ABCC4: variants seen among roughly 807,000 people sequenced by gnomAD.
ABCC4 encodes ATP-binding cassette sub-family C member 4.
ABCC4 carries 102 observed loss-of-function variants against 168.5 expected under a neutral mutation model. That is an observed-to-expected ratio of 0.61 (90% CI 0.52 to 0.71). The LOEUF (loss-of-function observed/expected upper bound fraction) is 0.71, where lower values mean the gene tolerates loss of function less well. ABCC4 is among the 30% of genes least tolerant of loss of function. The pLI is 0.00. For synonymous variants in ABCC4, 617 were observed against 590.7 expected, an observed-to-expected ratio of 1.04 and a Z score of -0.65; for missense variants, 1,402 against 1,605.8, an observed-to-expected ratio of 0.87 and a Z score of 2.17.
At chr13:95,298,563 G>A (rs998038302) in intron 1 of ABCC4, among the ~76,000 whole-genome samples, 1 of 152,142 alleles carries the variant, frequency 6.6e-6, no homozygotes, top group Admixed American at 6.6e-5. Flanking sequence ...GCTATGCTTT[G>A]AGAACAGCTG....
At chr13:95,225,434 C>G (rs2039436869) in intron 4 of ABCC4, among the ~76,000 whole-genome samples, 1 of 152,148 alleles carries the variant, frequency 6.6e-6, no homozygotes, top group Non-Finnish European at 1.5e-5. Flanking sequence ...CTTTGGGAGG[C>G]CAAGGTGGGT....
At chr13:95,106,071 A>G (rs1678363) in intron 20 of ABCC4, among the ~76,000 whole-genome samples, 1 of 151,908 alleles carries the variant, frequency 6.6e-6, no homozygotes, top group African/African-American at 2.4e-5. Context: ...TTTAACCTTA[A>G]AATTACAAGA....
At chr13:95,047,514 C>G (rs1351335609) in intron 27 of ABCC4, among the ~76,000 whole-genome samples, 3 of 101,672 alleles carry the variant, frequency 3.0e-5, no homozygotes, top group East Asian at 2.7e-4. Flanking sequence ...GATTCTTGCT[C>G]TGTCACCCAG....
intron 19 of ABCC4, among the ~76,000 whole-genome samples, chr13:95,128,533 C>T (rs1328618599): frequency 6.6e-6 from 1 of 152,206 alleles, no homozygotes; most frequent in Non-Finnish European, 1.5e-5. Context: ...CATAGCTGTG[C>T]AACTCTTTCC....
At chr13:95,053,299 A>G in intron 26 of ABCC4, 115 bp from the exon 27 acceptor site, 1 of 823,408 alleles carries the variant, frequency 1.2e-6, no homozygotes, top group Admixed American at 2.2e-5. Context: ...GATAATAATT[A>G]TAGCGTTACA....
intron 1 of ABCC4, among the ~76,000 whole-genome samples, chr13:95,295,531 G>A (rs140432161): frequency 3.3e-5 from 5 of 151,740 alleles, no homozygotes; most frequent in East Asian, 3.9e-4. Context: ...AGTGGCGTGC[G>A]CTTGTAGTCC....
chr13:95,162,154 G>A (rs1178078766), intron 18 of ABCC4, among the ~76,000 whole-genome samples: 3 of 151,946 alleles, frequency 2.0e-5, no homozygotes, highest in African/African-American at 4.8e-5. Flanking sequence ...CTCCATCAAC[G>A]GGCATTATCC....
At chr13:95,056,915 C>A (rs2033081457) in intron 26 of ABCC4, among the ~76,000 whole-genome samples, 1 of 152,150 alleles carries the variant, frequency 6.6e-6, no homozygotes, top group South Asian at 2.1e-4. Flanking sequence ...AGGGTGCTAT[C>A]ATAAATGTTG....
chr13:95,039,098 C>T (rs1365427123), intron 29 of ABCC4, among the ~76,000 whole-genome samples: 1 of 152,210 alleles, frequency 6.6e-6, no homozygotes, highest in African/African-American at 2.4e-5. Context: ...GAACTTTACC[C>T]ACTTAGCCTT....
chr13:95,083,095 G>T, intron 21 of ABCC4, 45 bp downstream of exon 21: 2 of 1,574,018 alleles, frequency 1.3e-6, no homozygotes, highest in South Asian at 1.2e-5. Context: ...GGCATAAATG[G>T]AAACTAGCTA....
chr13:95,123,334 T>G (rs1413864728), intron 19 of ABCC4, among the ~76,000 whole-genome samples: 1 of 152,194 alleles, frequency 6.6e-6, no homozygotes, highest in South Asian at 2.1e-4. Flanking sequence ...GACTTAAAAT[T>G]GATGCTTGTT....
intron 3 of ABCC4, among the ~76,000 whole-genome samples, chr13:95,240,118 A>G (rs1274468145): frequency 6.6e-6 from 1 of 152,224 alleles, no homozygotes; most frequent in Non-Finnish European, 1.5e-5. Flanking sequence ...TTCTGGTACC[A>G]GATGGACATG....
At chr13:95,166,545 A>G (rs1343861843) in intron 14 of ABCC4, among the ~76,000 whole-genome samples, 178 bp from the exon 15 acceptor site, 1 of 152,232 alleles carries the variant, frequency 6.6e-6, no homozygotes, top group Non-Finnish European at 1.5e-5. Context: ...TTCTGTTCTC[A>G]GCCAGACTCT....
chr13:95,222,260 G>C (rs570502705), intron 4 of ABCC4, among the ~76,000 whole-genome samples: 1 of 152,160 alleles, frequency 6.6e-6, no homozygotes, highest in Non-Finnish European at 1.5e-5. Flanking sequence ...CTCTGGCCAC[G>C]GCTAAGTGGC....
intron 1 of ABCC4, among the ~76,000 whole-genome samples, chr13:95,263,776 TC>T (rs893302929): frequency 1.3e-5 from 2 of 151,482 alleles, no homozygotes; most frequent in Non-Finnish European, 2.9e-5. Flanking sequence ...TGAGCCGAGA[TC>T]GTGCCACTGT....
At chr13:95,161,432 T>G in intron 18 of ABCC4, 97 bp from the exon 19 acceptor site, 1 of 960,670 alleles carries the variant, frequency 1.0e-6, no homozygotes, top group Non-Finnish European at 1.5e-6. Flanking sequence ...AGATGTTACT[T>G]AATTTATTCC....
At chr13:95,288,405 T>C (rs776827863) in intron 1 of ABCC4, among the ~76,000 whole-genome samples, 14 of 152,244 alleles carry the variant, frequency 9.2e-5, no homozygotes, top group Non-Finnish European at 1.6e-4. Context: ...ACATTGAAGA[T>C]ACTGGTTTCT....
Position 95,209,481 on chromosome 13 carries a change from A to G in ABCC4, c.738T>C (p.Ile246=), listed in dbSNP as rs2038886999. The G allele has an allele frequency of 3.7e-6, 6 of 1,614,048 alleles. No individual in the cohort carries two copies. The highest frequency in any genetic ancestry group is 5.1e-6 in the Non-Finnish European group (6 of 1,180,014). ...SCLAGMAVLI[I]LLPLQSCFGK... is the part of the protein sequence containing the mutation. The stretch of plus-strand genomic sequence containing the variant: ...CAAAACAGCTTTGCAAGGGCAGGAG[A>G]ATGATTAGAACTGCCATCCCAGCAA... The change falls in exon 6 of 31, where the codon ATT becomes ATC. Residue 246 remains isoleucine (I), a synonymous_variant. Coordinates refer to ENST00000645237, the MANE Select transcript of ABCC4 (RefSeq NM_005845.5).
chr13:95,283,854 C>T (rs1317412011), intron 1 of ABCC4, among the ~76,000 whole-genome samples: 5 of 143,986 alleles, frequency 3.5e-5, no homozygotes, highest in East Asian at 2.1e-4. Context: ...GCCGAGATCT[C>T]GTCATTGCAC....
Sources: gnomAD v4.1 joint callset for allele counts (sites outside exome capture counted in the v4.1 genomes callset) on GRCh38, gnomAD v4.1.1 for gene constraint, MANE v1.5 for transcripts, NCBI Gene and HGNC (gene_info 2026-07-23, HGNC 2026-07-21) for gene names.